The following STK38 variants were observed in gnomAD, a reference collection of about 807,000 sequenced individuals.
STK38 encodes the protein serine/threonine kinase 38.
A neutral mutation model predicts 59.0 loss-of-function variants in STK38; 26 were observed. The ratio of observed to expected loss-of-function variants is 0.44; its 90% CI spans 0.32 to 0.61. The LOEUF (loss-of-function observed/expected upper bound fraction) is 0.61, where lower values mean the gene tolerates loss of function less well. STK38 is among the 20% of genes least tolerant of loss of function. STK38 has a pLI of 0.04. For synonymous variants in STK38, 175 were observed against 176.6 expected (o/e 0.99, Z 0.07); for missense variants, 433 against 566.0 (o/e 0.76, Z 2.38).
chr6:36,528,261 T>G (rs918826560), intron 2 of STK38, among the ~76,000 whole-genome samples: 3 of 152,160 alleles, frequency 2.0e-5, no homozygotes, highest in East Asian at 1.9e-4. Flanking sequence ...AAAGGAGTGA[T>G]GTGATAAGAT....
At chr6:36,510,250 A>G (rs555520316) in intron 7 of STK38, among the ~76,000 whole-genome samples, 2 of 152,220 alleles carry the variant, frequency 1.3e-5, no homozygotes, top group Admixed American at 1.3e-4. Flanking sequence ...CCTCCCTCTC[A>G]TGCTTCTTGG....
intron 2 of STK38, among the ~76,000 whole-genome samples, chr6:36,532,329 G>C (rs1448906238): frequency 6.9e-6 from 1 of 145,350 alleles, no homozygotes; most frequent in East Asian, 2.2e-4. Context: ...AAAAAAAAAA[G>C]GTTTTAAACC....
At chr6:36,515,271 A>AG in intron 7 of STK38, 67 bp downstream of exon 7, 1 of 1,553,926 alleles carries the variant, frequency 6.4e-7, no homozygotes, top group Non-Finnish European at 8.7e-7. Context: ...ACAGGGGTGC[A>AG]GGTGTTAAAG....
chr6:36,527,207 A>AAAAAAAAAAAAAAATAT (rs60162863), intron 2 of STK38, among the ~76,000 whole-genome samples: 1 of 119,356 alleles, frequency 8.4e-6, no homozygotes, highest in African/African-American at 3.5e-5. Flanking sequence ...AAAAAAAAAA[A>AAAAAAAAAAAAAAATAT]ATATATGTAT....
chr6:36,516,462 T>A (rs191567698), intron 6 of STK38, among the ~76,000 whole-genome samples: 7 of 152,368 alleles, frequency 4.6e-5, no homozygotes, highest in African/African-American at 1.4e-4. Flanking sequence ...CAGAGCATCA[T>A]GCTGCTTTTT....
At chr6:36,537,899 G>A (rs1259174570) in intron 2 of STK38, among the ~76,000 whole-genome samples, 5 of 143,912 alleles carry the variant, frequency 3.5e-5, no homozygotes, top group South Asian at 2.2e-4. Context: ...ACCCCGTCTC[G>A]ACAAAAAAAA....
intron 2 of STK38, among the ~76,000 whole-genome samples, chr6:36,535,956 A>G (rs1777780865): frequency 6.6e-6 from 1 of 152,104 alleles, no homozygotes; most frequent in Non-Finnish European, 1.5e-5. Context: ...TTTATAATAA[A>G]ATGCAAAGAA....
chr6:36,513,290 T>C (rs1777156840), intron 7 of STK38, among the ~76,000 whole-genome samples: 1 of 151,052 alleles, frequency 6.6e-6, no homozygotes, highest in South Asian at 2.1e-4. Context: ...AGTGCTGGGA[T>C]TACAGGTGTG....
chr6:36,529,843 C>T (rs796169547), intron 2 of STK38, among the ~76,000 whole-genome samples: 1 of 152,126 alleles, frequency 6.6e-6, no homozygotes, highest in Non-Finnish European at 1.5e-5. Flanking sequence ...CTTGGCATAG[C>T]CTGATTTGGA....
intron 1 of STK38, among the ~76,000 whole-genome samples, chr6:36,545,905 G>A (rs1294882711): frequency 6.6e-6 from 1 of 152,186 alleles, no homozygotes; most frequent in African/African-American, 2.4e-5. Flanking sequence ...AAACCATTAT[G>A]TGATTCAATC....
chr6:36,518,889 ATTGGCAAATTTAGTCCATGGCTG>A (rs889965872), intron 5 of STK38, among the ~76,000 whole-genome samples: 10 of 152,320 alleles, frequency 6.6e-5, no homozygotes, highest in South Asian at 2.1e-4. Flanking sequence ...AGGTTCACAA[ATTGGCAAATTTAGTCCATGGCTG>A]TTGGCAAATT....
intron 1 of STK38, among the ~76,000 whole-genome samples, chr6:36,543,724 C>A (rs1223272818): frequency 1.3e-5 from 2 of 152,142 alleles, no homozygotes; most frequent in Non-Finnish European, 2.9e-5. Context: ...GCACTGCAAC[C>A]TCCGCCTCCT....
intron 2 of STK38, among the ~76,000 whole-genome samples, chr6:36,536,144 T>C (rs534844380): frequency 4.6e-5 from 7 of 152,294 alleles, no homozygotes; most frequent in African/African-American, 9.6e-5. Context: ...TTCACACCTA[T>C]ATGTCACTTG....
At chr6:36,522,728 T>C (rs1362026388) in intron 4 of STK38, among the ~76,000 whole-genome samples, 1 of 151,364 alleles carries the variant, frequency 6.6e-6, no homozygotes, top group Non-Finnish European at 1.5e-5. Context: ...TGGTGGCAGG[T>C]GCCTGTAATC....
intron 7 of STK38, among the ~76,000 whole-genome samples, chr6:36,509,271 C>T (rs990920654): frequency 1.3e-5 from 2 of 152,134 alleles, no homozygotes; most frequent in Non-Finnish European, 2.9e-5. Context: ...CTCCTTTCCG[C>T]AAGCAGGTCA....
chr6:36,542,074 A>C (rs1236338860), intron 1 of STK38, among the ~76,000 whole-genome samples: 1 of 151,968 alleles, frequency 6.6e-6, no homozygotes, highest in Non-Finnish European at 1.5e-5. Context: ...ACCTCAAGTG[A>C]TCCACCCAAC....
Position 36,524,410 on chromosome 6 carries a change from C to A in STK38, c.237G>T (p.Leu79Phe). ...HARKETEFLR[L>F]KRTRLGLEDF... ...CTTCCAATCCAAGTCTTGTTCTCTTCAAACGAAGAAACTCTGTTTCCTTCC... is the reference window on the plus strand; with the variant it reads ...CTTCCAATCCAAGTCTTGTTCTCTTAAAACGAAGAAACTCTGTTTCCTTCC... Residue 79 changes from leucine (L) to phenylalanine (F), a missense_variant, in exon 4 of 14, where the codon TTG becomes TTT. Coordinates refer to ENST00000229812, the MANE Select transcript of STK38 (RefSeq NM_007271.4). 6.2e-7 allele frequency: 1 copy of A among 1,613,464 alleles called. No homozygotes were observed.
At position 36,545,289 on chromosome 6, in the gene STK38, GAAAAAA is replaced by G. The variant is rs58104312; in HGVS notation, c.-6+1895_-6+1900del. Among the ~76,000 whole-genome samples, 274 of 60,528 alleles carry G rather than the reference GAAAAAA, an allele frequency of 4.5e-3. 1 individual carries two copies. Among genetic ancestry groups the G allele is most frequent in the Middle Eastern group, 0.014 (1 of 74 alleles). The allele number at this position is 60,528 out of a possible 152,430, so 39.7% of individuals were successfully genotyped here. On this transcript the variant is annotated intron_variant, in intron 1 of 13. Transcript: ENST00000229812. ...GCCTGGGTGAGTGAGACTCCGTCTG[GAAAAAA>G]AAAAAAAAAAAAAAAAAAAAGAATA...
chr6:36,504,932 A>AAAGAAAGG (rs1561974710), intron 9 of STK38, among the ~76,000 whole-genome samples: 1 of 147,174 alleles, frequency 6.8e-6, no homozygotes, highest in Non-Finnish European at 1.5e-5. Flanking sequence ...AGAAAGAAAG[A>AAAGAAAGG]AAAGAAAGGA....
Sources: gnomAD v4.1 joint callset for allele counts (sites outside exome capture counted in the v4.1 genomes callset) on GRCh38, gnomAD v4.1.1 for gene constraint, MANE v1.5 for transcripts, NCBI Gene and HGNC (gene_info 2026-07-23, HGNC 2026-07-21) for gene names.